EPHA3: variants seen among roughly 807,000 people sequenced by gnomAD.
EPHA3 encodes EPH receptor A3.
Under a neutral mutation model 107.1 loss-of-function variants are expected in EPHA3, and 42 were observed. That is an observed-to-expected ratio of 0.39 (90% CI 0.31 to 0.51). EPHA3 has a LOEUF of 0.51. Ranked by LOEUF, EPHA3 falls within the 20% of genes least tolerant of loss-of-function variation. The pLI, the probability that EPHA3 is intolerant of heterozygous loss-of-function variation, is 0.78. For synonymous variants in EPHA3, 461 were observed against 424.8 expected, an observed-to-expected ratio of 1.09 and a Z score of -1.05; for missense variants, 1,183 against 1,211.2, an observed-to-expected ratio of 0.98 and a Z score of 0.35.
chr3:89,178,458 G>A (rs1044146532), intron 2 of EPHA3, among the ~76,000 whole-genome samples: 1 of 152,024 alleles, frequency 6.6e-6, no homozygotes, highest in Non-Finnish European at 1.5e-5. Flanking sequence ...GGAGTTATAT[G>A]TCATAGCAAA....
At chr3:89,271,555 T>A (rs1235174065) in intron 3 of EPHA3, among the ~76,000 whole-genome samples, 1 of 151,980 alleles carries the variant, frequency 6.6e-6, no homozygotes, top group Non-Finnish European at 1.5e-5. Context: ...TATATTCAAG[T>A]CTTCCATTTA....
rs74966831 is a variant in EPHA3 at position 89,143,526 on chromosome 3, A to G, written c.153+16253A>G. Among the ~76,000 whole-genome samples, 1,903 of 151,686 alleles carry G rather than the reference A, an allele frequency of 0.013. 46 individuals are homozygous for G. The East Asian group carries it at 0.13, about 10-fold the overall frequency. ...AAAGTCAAGAAAGAATATGGTCTATAGTGGTTGGAAATTTCATTCTAGCTG... is the reference window on the plus strand; with the variant it reads ...AAAGTCAAGAAAGAATATGGTCTATGGTGGTTGGAAATTTCATTCTAGCTG... On this transcript the variant is annotated intron_variant, in intron 2 of 16. Transcript: ENST00000336596.
intron 2 of EPHA3, among the ~76,000 whole-genome samples, chr3:89,169,688 A>T (rs984274489): frequency 6.6e-6 from 1 of 152,178 alleles, no homozygotes; most frequent in Non-Finnish European, 1.5e-5. Context: ...TTTTTGTGGG[A>T]TCATATGGCT....
At chr3:89,114,768 T>C (rs1368293176) in intron 1 of EPHA3, among the ~76,000 whole-genome samples, 1 of 152,316 alleles carries the variant, frequency 6.6e-6, no homozygotes, top group Non-Finnish European at 1.5e-5. Flanking sequence ...GAGGCAAACG[T>C]GCGCCCTCTG....
intron 7 of EPHA3, among the ~76,000 whole-genome samples, chr3:89,402,806 T>C (rs1184874844): frequency 1.3e-5 from 2 of 152,122 alleles, no homozygotes; most frequent in Non-Finnish European, 2.9e-5. Context: ...AGCGATTCTA[T>C]AGCTGGGATT....
intron 1 of EPHA3, among the ~76,000 whole-genome samples, chr3:89,119,882 C>T (rs149657058): frequency 1.4e-4 from 21 of 152,160 alleles, no homozygotes; most frequent in African/African-American, 4.6e-4. Context: ...ATCTTTATAT[C>T]CAACGGACTT....
intron 2 of EPHA3, among the ~76,000 whole-genome samples, chr3:89,161,284 A>G (rs867132238): frequency 6.6e-6 from 1 of 152,198 alleles, no homozygotes; most frequent in African/African-American, 2.4e-5. Flanking sequence ...TAGAAGAAAT[A>G]TAGTGAAGTC....
At chr3:89,334,534 C>A (rs1707354657) in intron 3 of EPHA3, among the ~76,000 whole-genome samples, 1 of 152,164 alleles carries the variant, frequency 6.6e-6, no homozygotes, top group African/African-American at 2.4e-5. Flanking sequence ...TAGTTAACAT[C>A]TGTCATTTTT....
Position 89,407,285 on chromosome 3 carries a change from T to A in EPHA3, c.1611T>A (p.Gly537=). The A allele has an allele frequency of 6.2e-7, 1 of 1,613,142 alleles. No individual in the cohort carries two copies. The highest frequency in any genetic ancestry group is 2.2e-5 in the East Asian group (1 of 44,836). ...ACCTCACAGCTTTCTCCATCTCTGG[T>A]GAAAGTAGCCAAGTGGTCATGATCG... ...ETSPDSFSIS[G]ESSQVVMIAI... is the part of the protein sequence containing the mutation. Residue 537 remains glycine, a synonymous_variant, in exon 8 of 17, where the codon GGT becomes GGA. Coordinates refer to ENST00000336596, the MANE Select transcript of EPHA3 (RefSeq NM_005233.6).
chr3:89,436,228 T>C (rs1425068073), intron 13 of EPHA3, among the ~76,000 whole-genome samples: 1 of 152,192 alleles, frequency 6.6e-6, no homozygotes, highest in Admixed American at 6.5e-5. Flanking sequence ...CAAAGCAATA[T>C]ACCCAGCTTA....
At chr3:89,224,781 G>A (rs140388767) in intron 3 of EPHA3, among the ~76,000 whole-genome samples, 4,954 of 151,916 alleles carry the variant, frequency 0.033, 284 homozygotes, top group African/African-American at 0.11. Context: ...TCCTGGAGGC[G>A]GAGGTTGCAG....
intron 3 of EPHA3, among the ~76,000 whole-genome samples, chr3:89,220,191 T>C (rs1408178950): frequency 6.6e-6 from 1 of 152,182 alleles, no homozygotes; most frequent in Non-Finnish European, 1.5e-5. Context: ...AGTTTAATCA[T>C]TGTCCTTTAC....
intron 3 of EPHA3, among the ~76,000 whole-genome samples, chr3:89,286,496 G>A (rs1418531519): frequency 6.6e-6 from 1 of 152,092 alleles, no homozygotes; most frequent in East Asian, 1.9e-4. Flanking sequence ...GAGAGATTAT[G>A]GAGTCTTGGA....
chr3:89,285,722 A>G (rs1490568667), intron 3 of EPHA3, among the ~76,000 whole-genome samples: 1 of 152,208 alleles, frequency 6.6e-6, no homozygotes, highest in Non-Finnish European at 1.5e-5. Context: ...CCTGTTGCTC[A>G]ATGCACAGAA....
At chr3:89,474,070 A>G (rs1710459876) in intron 16 of EPHA3, among the ~76,000 whole-genome samples, 1 of 152,286 alleles carries the variant, frequency 6.6e-6, no homozygotes, top group East Asian at 1.9e-4. Context: ...CCTGTCAATC[A>G]TTCAACATCA....
At chr3:89,149,253 C>T (rs1442807914) in intron 2 of EPHA3, among the ~76,000 whole-genome samples, 2 of 151,884 alleles carry the variant, frequency 1.3e-5, no homozygotes, top group Non-Finnish European at 2.9e-5. Flanking sequence ...TTACCAAAAG[C>T]AATCTATTTA....
At chr3:89,447,352 G>A (rs6551412) in intron 13 of EPHA3, among the ~76,000 whole-genome samples, 29,672 of 152,012 alleles carry the variant, frequency 0.2, 3,449 homozygotes, top group Non-Finnish European at 0.25. Flanking sequence ...TGCTGATGGT[G>A]TTTTTCCATT....
At chr3:89,161,471 T>A (rs934110316) in intron 2 of EPHA3, among the ~76,000 whole-genome samples, 2 of 152,176 alleles carry the variant, frequency 1.3e-5, no homozygotes, top group Admixed American at 6.6e-5. Flanking sequence ...TTTTTTGAAA[T>A]CTAACAATGT....
chr3:89,409,106 G>A (rs996779630), intron 9 of EPHA3, among the ~76,000 whole-genome samples: 1 of 152,018 alleles, frequency 6.6e-6, no homozygotes, highest in Non-Finnish European at 1.5e-5. Flanking sequence ...AAATTGATAT[G>A]AGAAGAAAGC....
Sources: gnomAD v4.1 joint callset for allele counts (sites outside exome capture counted in the v4.1 genomes callset) on GRCh38, gnomAD v4.1.1 for gene constraint, MANE v1.5 for transcripts, NCBI Gene and HGNC (gene_info 2026-07-23, HGNC 2026-07-21) for gene names.